The following EFNA5 variants were observed in gnomAD, a reference collection of about 807,000 sequenced individuals.
EFNA5 encodes ephrin-A5.
EFNA5 carries 5 observed loss-of-function variants against 22.9 expected under a neutral mutation model. That is an observed-to-expected ratio of 0.22 (90% CI 0.11 to 0.46). The LOEUF is 0.46. EFNA5 is among the 20% of genes least tolerant of loss of function. The pLI is 0.99. For synonymous variants in EFNA5, 113 were observed against 112.2 expected (o/e 1.01, Z -0.04); for missense variants, 237 against 293.3 (o/e 0.81, Z 1.40).
rs538429100 is a variant in EFNA5, at chr5:107,415,589, C to A, written c.418+11628G>T. Among the ~76,000 whole-genome samples the A allele has an allele frequency of 4.6e-5, 7 of 152,254 alleles. No individual in the cohort carries two copies. The South Asian group carries it at 1.4e-3, about 32-fold the overall frequency. On this transcript the variant is annotated intron_variant, in intron 2 of 4. Transcript: ENST00000333274. ...TGGGCTCCCTGACTCCGGTAATCAC[C>A]CTCATGAACCAGTGCCAAGATCCCC...
chr5:107,595,147 T>G lies in EFNA5; in HGVS notation c.125+75342A>C, dbSNP rs542239970. On this transcript the variant is annotated intron_variant, in intron 1 of 4. Transcript: ENST00000333274. ...TTGAACCTTTGGTTTAATTTTTTTT[T>G]TTAAACTTTGATTACACAGTTGGGT... Among the ~76,000 whole-genome samples, 12 of 152,280 alleles carry G rather than the reference T, an allele frequency of 7.9e-5. No individual in the cohort carries two copies. In the East Asian group the frequency reaches 2.1e-3, roughly 27 times the overall value.
At chr5:107,637,496 C>CTGTGTG (rs61667880) in intron 1 of EFNA5, among the ~76,000 whole-genome samples, 4 of 148,176 alleles carry the variant, frequency 2.7e-5, no homozygotes, top group African/African-American at 9.9e-5. Context: ...CAGCAAGGCA[C>CTGTGTG]TGTGTGTGTG....
rs1561406282 is a variant in EFNA5, at chr5:107,482,826, GTCTCTGTCTCTCTCTC to G, written c.126-55333_126-55318del. On this transcript the variant is annotated intron_variant, in intron 1 of 4. Coordinates refer to ENST00000333274, the MANE Select transcript of EFNA5 (RefSeq NM_001962.3). The stretch of plus-strand genomic sequence containing the variant: ...TCTCTCTCTCTCTGTCTCTCTCTCT[GTCTCTGTCTCTCTCTC>G]TCTCTCTCTCTCTCTCTCTCTCTCT... 3.1e-4 allele frequency among the ~76,000 whole-genome samples: 20 copies of G among 65,020 alleles called. 1 individual carries two copies. The highest frequency in any genetic ancestry group is 1.7e-3 in the South Asian group (3 of 1,794). 42.7% of individuals were successfully genotyped at this position (65,020 alleles called of 152,430 possible).
At chr5:107,623,370 T>C (rs2112530450) in intron 1 of EFNA5, among the ~76,000 whole-genome samples, 1 of 152,262 alleles carries the variant, frequency 6.6e-6, no homozygotes, top group Middle Eastern at 3.4e-3. Flanking sequence ...AATTCCAATA[T>C]ATGAGAAGAA....
intron 1 of EFNA5, among the ~76,000 whole-genome samples, chr5:107,660,279 T>TATATATATATAA (rs1561462889): frequency 1.9e-4 from 9 of 47,862 alleles, no homozygotes; most frequent in Non-Finnish European, 2.9e-4. Context: ...TATATATATA[T>TATATATATATAA]ATATATATAT....
intron 1 of EFNA5, among the ~76,000 whole-genome samples, chr5:107,633,507 C>T (rs1229220429): frequency 6.6e-6 from 1 of 152,240 alleles, no homozygotes; most frequent in Non-Finnish European, 1.5e-5. Flanking sequence ...ACTGCTGCGT[C>T]ACATTACTTC....
At chr5:107,618,474 C>A (rs1446996380) in intron 1 of EFNA5, among the ~76,000 whole-genome samples, 16 of 152,128 alleles carry the variant, frequency 1.1e-4, no homozygotes, top group Admixed American at 1.0e-3. Flanking sequence ...GGCCAGTAGA[C>A]TGACAAATCA....
intron 2 of EFNA5, among the ~76,000 whole-genome samples, chr5:107,400,269 T>C (rs1338472068): frequency 6.8e-6 from 1 of 147,538 alleles, no homozygotes; most frequent in Non-Finnish European, 1.5e-5. Flanking sequence ...TTGAAATTTT[T>C]AGAAAGATTT....
chr5:107,491,952 A>G (rs1249212447), intron 1 of EFNA5, among the ~76,000 whole-genome samples: 1 of 152,100 alleles, frequency 6.6e-6, no homozygotes, highest in Admixed American at 6.5e-5. Flanking sequence ...CTCATGCTTC[A>G]GCCTCCCGAG....
chr5:107,517,429 G>C (rs1024463883), intron 1 of EFNA5, among the ~76,000 whole-genome samples: 1 of 152,144 alleles, frequency 6.6e-6, no homozygotes, highest in African/African-American at 2.4e-5. Flanking sequence ...CAAATCACTC[G>C]GTGCTTCTTG....
chr5:107,562,740 T>A (rs1748578279), intron 1 of EFNA5, among the ~76,000 whole-genome samples: 1 of 152,212 alleles, frequency 6.6e-6, no homozygotes, highest in African/African-American at 2.4e-5. Flanking sequence ...AAGAAATTTT[T>A]AAATCTAGTG....
At chr5:107,456,963 C>T (rs1042912191) in intron 1 of EFNA5, among the ~76,000 whole-genome samples, 1 of 152,120 alleles carries the variant, frequency 6.6e-6, no homozygotes, top group African/African-American at 2.4e-5. Flanking sequence ...TGCTTCCCTT[C>T]ACGCTTACTG....
chr5:107,574,322 T>C (rs1283152719), intron 1 of EFNA5, among the ~76,000 whole-genome samples: 2 of 151,810 alleles, frequency 1.3e-5, no homozygotes, highest in African/African-American at 4.9e-5. Context: ...GTACTCAGTG[T>C]CTTTCTCTCA....
chr5:107,407,627 G>T (rs1748259142), intron 2 of EFNA5, among the ~76,000 whole-genome samples: 1 of 152,040 alleles, frequency 6.6e-6, no homozygotes, highest in Non-Finnish European at 1.5e-5. Flanking sequence ...TAAATACTAA[G>T]AACCCAATTT....
intron 1 of EFNA5, among the ~76,000 whole-genome samples, chr5:107,670,263 C>T (rs1385967014): frequency 1.3e-5 from 2 of 152,044 alleles, no homozygotes; most frequent in African/African-American, 2.4e-5. Context: ...TTGGTCTAGG[C>T]AGCCCCGGGG....
In EFNA5 at chr5:107,518,258, G is replaced by A. The variant is rs1335969905; in HGVS notation, c.126-90749C>T. Among the ~76,000 whole-genome samples the A allele has an allele frequency of 2.8e-5, 4 of 145,132 alleles. No homozygotes were observed. The East Asian group carries it at 6.0e-4, about 22-fold the overall frequency. On this transcript the variant is annotated intron_variant, in intron 1 of 4. Coordinates refer to ENST00000333274, the MANE Select transcript of EFNA5 (RefSeq NM_001962.3). ...GTTTGCATACACAACTGAGTAATTAGAAAGCCCCACTCGGAAAAAAAAAAA... is the reference window on the plus strand; with the variant it reads ...GTTTGCATACACAACTGAGTAATTAAAAAGCCCCACTCGGAAAAAAAAAAA...
At chr5:107,435,324 T>A (rs1243893186) in intron 1 of EFNA5, among the ~76,000 whole-genome samples, 3 of 150,078 alleles carry the variant, frequency 2.0e-5, no homozygotes, top group Non-Finnish European at 4.4e-5. Flanking sequence ...TCTTTTTTTT[T>A]TTTTTTTTTT....
chr5:107,463,617 A>G (rs1749894711), intron 1 of EFNA5, among the ~76,000 whole-genome samples: 1 of 152,212 alleles, frequency 6.6e-6, no homozygotes, highest in South Asian at 2.1e-4. Context: ...CAATTTAGAG[A>G]GTAAATAAAG....
At chr5:107,556,669 C>T (rs148770838) in intron 1 of EFNA5, among the ~76,000 whole-genome samples, 5 of 151,730 alleles carry the variant, frequency 3.3e-5, no homozygotes, top group South Asian at 2.1e-4. Context: ...TCGCTTCAAC[C>T]GGGGAGGCGG....
Sources: gnomAD v4.1 joint callset for allele counts (sites outside exome capture counted in the v4.1 genomes callset) on GRCh38, gnomAD v4.1.1 for gene constraint, MANE v1.5 for transcripts, NCBI Gene and HGNC (gene_info 2026-07-23, HGNC 2026-07-21) for gene names.